RB1CC1: variants seen among roughly 807,000 people sequenced by gnomAD.
The protein encoded by RB1CC1 is RB1 inducible coiled-coil 1, also known as RB1-inducible coiled-coil protein 1.
In RB1CC1, 46 loss-of-function variants were observed where a neutral mutation model predicts 177.5. That is an observed-to-expected ratio of 0.26 (90% CI 0.20 to 0.33). RB1CC1 has a LOEUF of 0.33. RB1CC1 is among the 10% of genes least tolerant of loss of function. RB1CC1 has a pLI of 1.00. For synonymous variants in RB1CC1, 666 were observed against 613.6 expected (o/e 1.09, Z -1.26); for missense variants, 1,703 against 1,816.3 (o/e 0.94, Z 1.13).
Position 52,656,129 on chromosome 8 carries a change from G to A in RB1CC1, c.3700C>T (p.Leu1234Phe), listed in dbSNP as rs1246378806. The A allele has an allele frequency of 1.9e-6, 3 of 1,613,490 alleles. No individual in the cohort carries two copies. The highest frequency in any genetic ancestry group is 1.1e-5 in the South Asian group (1 of 91,070). The change falls in exon 15 of 24, where the codon CTT becomes TTT. Residue 1234 changes from leucine (L) to phenylalanine (F), a missense_variant. This residue lies in a region of RB1CC1 where 1,169 missense variants were observed against 1,184.7 expected (regional missense o/e 0.99). Transcript: ENST00000025008. ...EQDREQLIQK[L>F]NCEKDEAIQT... ...ATAGCTTCATCTTTTTCACAATTAA[G>A]CTTCTGAATTAACTGTTCTCTGTCT...
At chr8:52,683,481 GACT>G in intron 5 of RB1CC1, 65 bp downstream of exon 5, 2 of 1,309,334 alleles carry the variant, frequency 1.5e-6, no homozygotes, top group South Asian at 4.3e-5. Context: ...ATGCAATTTA[GACT>G]ACTGTGCTAT....
At chr8:52,688,900 C>A (rs1490266105) in intron 1 of RB1CC1, among the ~76,000 whole-genome samples, 2 of 152,122 alleles carry the variant, frequency 1.3e-5, no homozygotes, top group African/African-American at 2.4e-5. Flanking sequence ...GAAAATAGAA[C>A]CTACAGTGAA....
intron 7 of RB1CC1, among the ~76,000 whole-genome samples, chr8:52,673,581 G>C (rs1056288674): frequency 6.6e-6 from 1 of 152,130 alleles, no homozygotes; most frequent in African/African-American, 2.4e-5. Context: ...AACCACTCAA[G>C]ACCTGTGTAG....
At chr8:52,645,145 A>G (rs1431253336) in intron 16 of RB1CC1, among the ~76,000 whole-genome samples, 1 of 152,198 alleles carries the variant, frequency 6.6e-6, no homozygotes. Flanking sequence ...ACTATTGACC[A>G]ACAACAGTAA....
At chr8:52,633,330 A>G (rs1447030058) in intron 20 of RB1CC1, among the ~76,000 whole-genome samples, 1 of 152,208 alleles carries the variant, frequency 6.6e-6, no homozygotes, top group Non-Finnish European at 1.5e-5. Flanking sequence ...ACCAGTTACC[A>G]TTCTAGATGC....
At chr8:52,648,333 C>T (rs1005370392) in intron 15 of RB1CC1, among the ~76,000 whole-genome samples, 10 of 152,144 alleles carry the variant, frequency 6.6e-5, no homozygotes, top group Non-Finnish European at 1.5e-4. Context: ...TTGAAGCTCC[C>T]ATTAGAAAAT....
intron 8 of RB1CC1, among the ~76,000 whole-genome samples, chr8:52,667,295 A>T (rs577219262): frequency 6.6e-6 from 1 of 152,380 alleles, no homozygotes; most frequent in East Asian, 1.9e-4. Flanking sequence ...TTTGCCTTAA[A>T]AAAAAGGAAA....
intron 20 of RB1CC1, among the ~76,000 whole-genome samples, chr8:52,631,295 C>T (rs1848737193): frequency 6.6e-6 from 1 of 152,070 alleles, no homozygotes; most frequent in Non-Finnish European, 1.5e-5. Flanking sequence ...TGGTGAAACC[C>T]CATCTCTACC....
chr8:52,625,586 T>C (rs1467739266), intron 22 of RB1CC1, among the ~76,000 whole-genome samples: 1 of 152,192 alleles, frequency 6.6e-6, no homozygotes, highest in Non-Finnish European at 1.5e-5. Flanking sequence ...ATTGAAAATA[T>C]CTAAGTTGAA....
intron 1 of RB1CC1, among the ~76,000 whole-genome samples, chr8:52,710,640 G>C (rs1856979630): frequency 6.6e-6 from 1 of 151,964 alleles, no homozygotes; most frequent in African/African-American, 2.4e-5. Context: ...TACATAAAAT[G>C]CATGATTTTA....
intron 1 of RB1CC1, among the ~76,000 whole-genome samples, chr8:52,687,719 G>C (rs1854396380): frequency 6.6e-6 from 1 of 152,136 alleles, no homozygotes; most frequent in African/African-American, 2.4e-5. Context: ...TTGAGCCTCA[G>C]AGAAGACCTC....
Position 52,623,878 on chromosome 8 carries a change from A to G in RB1CC1, c.4708-19T>C. On this transcript the variant is annotated intron_variant, in intron 23 of 23. Coordinates refer to ENST00000025008, the MANE Select transcript of RB1CC1 (RefSeq NM_014781.5). Reference sequence around the variant, plus strand: ...TTTGTGCCTAAGAGGGAAAGAAAAAATGGAATCACTAGAGTGATTAAACCA... The same window carrying G: ...TTTGTGCCTAAGAGGGAAAGAAAAAGTGGAATCACTAGAGTGATTAAACCA... 6.5e-7 allele frequency: 1 copy of G among 1,538,848 alleles called. No homozygotes were observed. The highest frequency in any genetic ancestry group is 9.0e-7 in the Non-Finnish European group (1 of 1,113,466).
intron 1 of RB1CC1, among the ~76,000 whole-genome samples, chr8:52,691,837 G>A (rs2150638715): frequency 6.6e-6 from 1 of 152,314 alleles, no homozygotes; most frequent in Non-Finnish European, 1.5e-5. Flanking sequence ...GTGAGGAAAT[G>A]TGACGCTCAT....
chr8:52,648,942 C>T (rs1394919097), intron 15 of RB1CC1, among the ~76,000 whole-genome samples: 1 of 152,148 alleles, frequency 6.6e-6, no homozygotes, highest in Non-Finnish European at 1.5e-5. Context: ...ACAAGGACTG[C>T]AATACTGATA....
chr8:52,683,393 C>G (rs1853948393), intron 5 of RB1CC1, among the ~76,000 whole-genome samples, 156 bp downstream of exon 5: 1 of 152,018 alleles, frequency 6.6e-6, no homozygotes, highest in African/African-American at 2.4e-5. Flanking sequence ...CAATGTATGA[C>G]CCAGAAATTT....
intron 1 of RB1CC1, among the ~76,000 whole-genome samples, chr8:52,707,336 C>T (rs1856651262): frequency 6.6e-6 from 1 of 151,876 alleles, no homozygotes. Context: ...CGGTGCTTTT[C>T]CTTTAAATCT....
At chr8:52,700,345 G>A (rs1017126090) in intron 1 of RB1CC1, among the ~76,000 whole-genome samples, 2 of 146,488 alleles carry the variant, frequency 1.4e-5, no homozygotes, top group African/African-American at 2.5e-5. Flanking sequence ...GCAACATGGT[G>A]AGACTCCATA....
chr8:52,662,265 TAC>T (rs1465389172), intron 8 of RB1CC1, among the ~76,000 whole-genome samples: 2 of 152,150 alleles, frequency 1.3e-5, no homozygotes, highest in African/African-American at 2.4e-5. Context: ...TGTGTGATTT[TAC>T]ACAGAGTTTA....
intron 1 of RB1CC1, among the ~76,000 whole-genome samples, chr8:52,702,559 T>C (rs1050448126): frequency 2.0e-5 from 3 of 151,918 alleles, no homozygotes; most frequent in African/African-American, 7.3e-5. Flanking sequence ...CTACTGAAAA[T>C]ACAAAAGTTA....
Sources: allele counts gnomAD v4.1 joint callset (sites outside exome capture counted in the v4.1 genomes callset), GRCh38; gene constraint gnomAD v4.1.1; regional missense constraint gnomAD v4.1.1; transcripts MANE v1.5; gene names NCBI Gene and HGNC (gene_info 2026-07-23, HGNC 2026-07-21).